MAPK6: variants seen among roughly 807,000 people sequenced by gnomAD.
MAPK6 encodes mitogen-activated protein kinase 6.
A neutral mutation model predicts 59.3 loss-of-function variants in MAPK6; 19 were observed. That is an observed-to-expected ratio of 0.32 (90% CI 0.22 to 0.47). The LOEUF (loss-of-function observed/expected upper bound fraction) is 0.47, where lower values mean the gene tolerates loss of function less well. MAPK6 is among the 20% of genes least tolerant of loss of function. MAPK6 has a pLI of 1.00. For missense variants in MAPK6, 724 were observed against 847.9 expected (o/e 0.85, Z 1.81); for synonymous variants, 316 against 290.3 (o/e 1.09, Z -0.90).
At chr15:52,052,034 C>T (rs1259789963) in intron 3 of MAPK6, among the ~76,000 whole-genome samples, 2 of 152,200 alleles carry the variant, frequency 1.3e-5, no homozygotes, top group African/African-American at 4.8e-5. Context: ...CATATATAAA[C>T]AATTCTGTTT....
chr15:52,027,356 A>AAAAAAAAAAG (rs2030837141), intron 1 of MAPK6, among the ~76,000 whole-genome samples: 1 of 148,380 alleles, frequency 6.7e-6, no homozygotes, highest in Non-Finnish European at 1.5e-5. Flanking sequence ...TCTCAAAAAA[A>AAAAAAAAAAG]AAAAAAAAAA....
intron 3 of MAPK6, among the ~76,000 whole-genome samples, chr15:52,052,967 C>T (rs772199095): frequency 4.6e-5 from 7 of 151,936 alleles, no homozygotes; most frequent in Middle Eastern, 3.4e-3. Context: ...AGTTTCCCAG[C>T]GCAGCTGTAC....
rs562348426 is a variant in MAPK6, at chr15:51,989,396, G to A, written c.-770+6081G>A. 7.2e-5 allele frequency among the ~76,000 whole-genome samples: 11 copies of A among 152,006 alleles called. No homozygotes were observed. The South Asian group carries it at 1.9e-3, about 26-fold the overall frequency. On this transcript the variant is annotated intron_variant, in intron 2 of 7. Coordinates refer to the MAPK6 transcript ENST00000691380. ...AATCCACAATGTAACATCCATTTTT[G>A]CCATATATGGTAACAGTCACAGATT...
intron 1 of MAPK6, among the ~76,000 whole-genome samples, 186 bp downstream of exon 1, chr15:52,019,562 C>T (rs917068837): frequency 1.4e-5 from 2 of 146,116 alleles, no homozygotes; most frequent in African/African-American, 4.9e-5. Context: ...CCGCCCCCTG[C>T]TCGCCCGCCT....
chr15:52,038,204 ATGCC>A (rs1370240743), intron 1 of MAPK6, among the ~76,000 whole-genome samples: 1 of 152,146 alleles, frequency 6.6e-6, no homozygotes, highest in Non-Finnish European at 1.5e-5. Context: ...GCCTAAAACA[ATGCC>A]TGGCACATGG....
At chr15:52,027,772 T>A (rs939675082) in intron 1 of MAPK6, 15 of 150,908 alleles carry the variant, frequency 9.9e-5, no homozygotes, top group African/African-American at 3.1e-4. Context: ...TTTATTTATT[T>A]ATTTATTTAC....
At chr15:51,975,378 T>A (rs1254339612) in intron 1 of MAPK6, among the ~76,000 whole-genome samples, 1 of 151,338 alleles carries the variant, frequency 6.6e-6, no homozygotes, top group Non-Finnish European at 1.5e-5. Flanking sequence ...TCGTCTCTAC[T>A]AAGAATACAA....
chr15:52,021,687 G>A (rs866030486), intron 1 of MAPK6: 6 of 151,888 alleles, frequency 4.0e-5, no homozygotes, highest in Non-Finnish European at 7.4e-5. Context: ...TTATGGTGTC[G>A]GTAGAAATTG....
intron 3 of MAPK6, among the ~76,000 whole-genome samples, chr15:52,005,225 T>C (rs1256750368): frequency 6.6e-6 from 1 of 152,048 alleles, no homozygotes; most frequent in Non-Finnish European, 1.5e-5. Flanking sequence ...ATGACTTGAA[T>C]GAATGAAGAG....
chr15:52,047,873 A>G (rs1472672491), intron 2 of MAPK6, among the ~76,000 whole-genome samples: 1 of 152,124 alleles, frequency 6.6e-6, no homozygotes, highest in African/African-American at 2.4e-5. Flanking sequence ...AAATTCACAT[A>G]AACAATTGGT....
At chr15:52,016,651 CTTCAAAA>C, upstream of MAPK6, among the ~76,000 whole-genome samples, 1 of 152,258 alleles carries the variant, frequency 6.6e-6, no homozygotes, top group South Asian at 2.1e-4. Context: ...TTTAGGCTCT[CTTCAAAA>C]CTCTCCCCCT....
At chr15:52,016,910 G>A (rs1339919150), upstream of MAPK6, among the ~76,000 whole-genome samples, 1 of 152,164 alleles carries the variant, frequency 6.6e-6, no homozygotes, top group Non-Finnish European at 1.5e-5. Flanking sequence ...TGGGTGTGCT[G>A]GCGCGCACCT....
At chr15:51,993,802 CTTTT>C (rs1169370572) in intron 2 of MAPK6, among the ~76,000 whole-genome samples, 1 of 140,472 alleles carries the variant, frequency 7.1e-6, no homozygotes. Context: ...TTTTTTCTTT[CTTTT>C]TTTTTTTTTT....
At chr15:51,976,587 A>G (rs1277879034) in intron 1 of MAPK6, among the ~76,000 whole-genome samples, 3 of 151,854 alleles carry the variant, frequency 2.0e-5, no homozygotes, top group African/African-American at 7.2e-5. Context: ...AAGAATCTGG[A>G]ATTAAAATGT....
chr15:51,983,914 A>T (rs953853548), intron 2 of MAPK6, among the ~76,000 whole-genome samples: 1 of 152,122 alleles, frequency 6.6e-6, no homozygotes, highest in Non-Finnish European at 1.5e-5. Context: ...TCCATGTCTA[A>T]GTTCAAGGCT....
chr15:52,017,370 T>G (rs1055303415), upstream of MAPK6: 1 of 151,876 alleles, frequency 6.6e-6, no homozygotes, highest in African/African-American at 2.4e-5. Context: ...GGAATCTTCT[T>G]AAGGATGGGG....
intron 1 of MAPK6, among the ~76,000 whole-genome samples, chr15:51,974,678 A>AT (rs2057152212): frequency 6.7e-6 from 1 of 149,982 alleles, no homozygotes; most frequent in Non-Finnish European, 1.5e-5. Flanking sequence ...AAAAAAAAAA[A>AT]AAAGATGATC....
At chr15:52,012,479 A>G (rs2030082590) in intron 3 of MAPK6, among the ~76,000 whole-genome samples, 1 of 152,138 alleles carries the variant, frequency 6.6e-6, no homozygotes, top group Non-Finnish European at 1.5e-5. Flanking sequence ...TTATTGTCAC[A>G]TTACCAGGTT....
Position 52,064,909 on chromosome 15 carries a change from C to A in MAPK6, c.2075C>A (p.Ser692Ter). 1 of 1,611,914 alleles carries A rather than the reference C, an allele frequency of 6.2e-7. No individual in the cohort carries two copies. The highest frequency in any genetic ancestry group is 8.5e-7 in the Non-Finnish European group (1 of 1,179,808). ...FHSPVGSPLK[S>*]IQATLTPSAM... The stretch of plus-strand genomic sequence containing the variant: ...AGTCCAGTTGGGTCACCACTTAAGT[C>A]AATACAGGCCACATTAACACCTTCT... The change falls in exon 6 of 6, where the codon TCA becomes TAA. Residue 692 changes from serine to a stop codon, truncating the protein, a stop_gained. Coordinates refer to ENST00000261845, the MANE Select transcript of MAPK6 (RefSeq NM_002748.4). LOFTEE classifies it high-confidence loss of function.
Sources: allele counts gnomAD v4.1 joint callset (sites outside exome capture counted in the v4.1 genomes callset), GRCh38; gene constraint gnomAD v4.1.1; transcripts MANE v1.5; gene names NCBI Gene and HGNC (gene_info 2026-07-23, HGNC 2026-07-21).